The following PRKAG2 variants were observed in gnomAD, a reference collection of about 807,000 sequenced individuals.
PRKAG2 encodes protein kinase AMP-activated non-catalytic subunit gamma 2.
A neutral mutation model predicts 69.6 loss-of-function variants in PRKAG2; 26 were observed. That is an observed-to-expected ratio of 0.37 (90% CI 0.27 to 0.52). The LOEUF is 0.52. Among genes scored for constraint, PRKAG2 ranks in the 20% least tolerant of loss-of-function variants. PRKAG2 has a pLI of 0.90. For missense variants in PRKAG2, 557 were observed against 740.0 expected (o/e 0.75, Z 2.87); for synonymous variants, 293 against 285.0 (o/e 1.03, Z -0.28).
chr7:151,855,525 C>CCCCCCTCCACACACACCACTTTACACACA (rs1393213793), intron 1 of PRKAG2, among the ~76,000 whole-genome samples: 1 of 128,504 alleles, frequency 7.8e-6, no homozygotes, highest in Non-Finnish European at 1.7e-5. Context: ...CCTCCACACA[C>CCCCCCTCCACACACACCACTTTACACACA]CGCCCTCCAC....
At chr7:151,778,224 TCTGAGCCTTTGGGGAGA>T (rs2076489958) in intron 3 of PRKAG2, among the ~76,000 whole-genome samples, 2 of 152,122 alleles carry the variant, frequency 1.3e-5, no homozygotes, top group South Asian at 4.2e-4. Flanking sequence ...AACCCTAAGC[TCTGAGCCTTTGGGGAGA>T]CTGATTTGAG....
At chr7:151,671,694 G>C (rs1038442218) in intron 4 of PRKAG2, among the ~76,000 whole-genome samples, 9 of 152,254 alleles carry the variant, frequency 5.9e-5, no homozygotes, top group Admixed American at 2.6e-4. Flanking sequence ...TGAGTAATCA[G>C]GTTAACCTGC....
chr7:151,592,041 G>A (rs575202656), intron 6 of PRKAG2, among the ~76,000 whole-genome samples: 1 of 152,232 alleles, frequency 6.6e-6, no homozygotes, highest in East Asian at 1.9e-4. Flanking sequence ...CTCTCGCCAG[G>A]CCGAGACGGG....
chr7:151,838,571 G>A (rs1365019057), intron 1 of PRKAG2, among the ~76,000 whole-genome samples: 1 of 151,836 alleles, frequency 6.6e-6, no homozygotes, highest in Non-Finnish European at 1.5e-5. Flanking sequence ...GCCAGGTGTG[G>A]TGGTGCATGC....
intron 6 of PRKAG2, among the ~76,000 whole-genome samples, chr7:151,588,448 T>C (rs1812218385): frequency 6.6e-6 from 1 of 152,210 alleles, no homozygotes; most frequent in East Asian, 1.9e-4. Context: ...CTGTAACCTC[T>C]GCCTTCTGTG....
At chr7:151,710,406 C>A (rs1461099052) in intron 3 of PRKAG2, among the ~76,000 whole-genome samples, 3 of 152,214 alleles carry the variant, frequency 2.0e-5, no homozygotes, top group African/African-American at 7.2e-5. Context: ...ACTCCCCTCC[C>A]CTTTGCTCCG....
chr7:151,871,242 G>A (rs547908500), intron 1 of PRKAG2, among the ~76,000 whole-genome samples: 3 of 152,302 alleles, frequency 2.0e-5, no homozygotes, highest in Admixed American at 6.5e-5. Flanking sequence ...CCAAAGTCTC[G>A]GCAGAACACC....
At chr7:151,734,502 C>T (rs149187584) in intron 3 of PRKAG2, among the ~76,000 whole-genome samples, 5 of 152,260 alleles carry the variant, frequency 3.3e-5, no homozygotes, top group African/African-American at 1.2e-4. Flanking sequence ...GCAGTGGGCT[C>T]TTCAGGAATA....
At chr7:151,808,099 A>G (rs983891002) in intron 1 of PRKAG2, among the ~76,000 whole-genome samples, 4 of 152,146 alleles carry the variant, frequency 2.6e-5, no homozygotes, top group Non-Finnish European at 4.4e-5. Flanking sequence ...CTCCCCACCC[A>G]TCACCTAGTG....
intron 4 of PRKAG2, among the ~76,000 whole-genome samples, chr7:151,665,422 G>GTC (rs892046824): frequency 9.9e-5 from 15 of 152,284 alleles, no homozygotes; most frequent in African/African-American, 3.1e-4. Flanking sequence ...AGTCGTGTGT[G>GTC]TCTCTCTCTC....
chr7:151,612,160 T>C (rs1188041609), intron 5 of PRKAG2, among the ~76,000 whole-genome samples: 2 of 152,130 alleles, frequency 1.3e-5, no homozygotes, highest in Non-Finnish European at 2.9e-5. Flanking sequence ...TGGACTTACA[T>C]GCAGAGAGAA....
intron 3 of PRKAG2, among the ~76,000 whole-genome samples, chr7:151,704,656 T>G (rs879391055): frequency 5.9e-5 from 9 of 152,180 alleles, no homozygotes; most frequent in Non-Finnish European, 1.3e-4. Context: ...GAAGACATTA[T>G]AGAGAGATGA....
chr7:151,667,423 G>A (rs1205396553), intron 4 of PRKAG2, among the ~76,000 whole-genome samples: 3 of 152,200 alleles, frequency 2.0e-5, no homozygotes, highest in East Asian at 1.9e-4. Context: ...AGTACATCAT[G>A]TGTTCAACTG....
intron 1 of PRKAG2, among the ~76,000 whole-genome samples, chr7:151,849,526 C>T (rs2079520376): frequency 6.6e-6 from 1 of 152,202 alleles, no homozygotes; most frequent in South Asian, 2.1e-4. Flanking sequence ...TAACAACATA[C>T]ACACACGGGG....
Position 151,675,447 on chromosome 7 carries a change from T to C in PRKAG2, c.657A>G (p.Ser219=), listed in dbSNP as rs1832762623. The C allele has an allele frequency of 1.2e-6, 2 of 1,613,820 alleles. No individual in the cohort carries two copies. The highest frequency in any genetic ancestry group is 2.2e-5 in the South Asian group (2 of 91,062). Residue 219 remains serine (S), a synonymous_variant, in exon 4 of 16, where the codon TCA becomes TCG. Transcript: ENST00000287878. Reference sequence around the variant, plus strand: ...CTTTGGAGGGAGCATAGTGTGTCGGTGATGCCAGTGGAGGCCTGGTCGGGC... The same window carrying C: ...CTTTGGAGGGAGCATAGTGTGTCGGCGATGCCAGTGGAGGCCTGGTCGGGC... ...FQSPTRPPLA[S]PTHYAPSKAA... is the part of the protein sequence containing the mutation.
At chr7:151,565,096 G>T (rs1196760515) in intron 13 of PRKAG2, among the ~76,000 whole-genome samples, 2 of 152,104 alleles carry the variant, frequency 1.3e-5, no homozygotes, top group Non-Finnish European at 2.9e-5. Flanking sequence ...TGCTGTGGCA[G>T]TGCATAAAAT....
chr7:151,832,991 T>G (rs569249905), intron 1 of PRKAG2, among the ~76,000 whole-genome samples: 9 of 152,208 alleles, frequency 5.9e-5, no homozygotes, highest in African/African-American at 2.2e-4. Context: ...AGATCAGGTG[T>G]CTGAGGTTGC....
At chr7:151,602,123 C>G (rs867631097) in intron 5 of PRKAG2, among the ~76,000 whole-genome samples, 3 of 152,240 alleles carry the variant, frequency 2.0e-5, no homozygotes, top group Admixed American at 6.5e-5. Context: ...CCTCGCGCAG[C>G]CGCATGCGCA....
intron 3 of PRKAG2, among the ~76,000 whole-genome samples, chr7:151,694,845 C>CGA (rs1375717097): frequency 6.6e-6 from 1 of 152,190 alleles, no homozygotes; most frequent in Non-Finnish European, 1.5e-5. Context: ...CCCCCAACAC[C>CGA]GAGGGCCAGA....
Sources: gnomAD v4.1 joint callset for allele counts (sites outside exome capture counted in the v4.1 genomes callset) on GRCh38, gnomAD v4.1.1 for gene constraint, MANE v1.5 for transcripts, NCBI Gene and HGNC (gene_info 2026-07-23, HGNC 2026-07-21) for gene names.